The following PSD3 variants were observed in gnomAD, a reference collection of about 807,000 sequenced individuals.
PSD3 encodes PH and SEC7 domain-containing protein 3.
Under a neutral mutation model 105.5 loss-of-function variants are expected in PSD3, and 49 were observed. That is an observed-to-expected ratio of 0.46 (90% CI 0.37 to 0.59). The LOEUF (loss-of-function observed/expected upper bound fraction) is 0.59. Among genes scored for constraint, PSD3 ranks in the 20% least tolerant of loss-of-function variants. PSD3 has a pLI of 0.00. For synonymous variants in PSD3, 557 were observed against 457.8 expected, an observed-to-expected ratio of 1.22 and a Z score of -2.77; for missense variants, 1,561 against 1,263.8, an observed-to-expected ratio of 1.24 and a Z score of -3.57.
chr8:18,792,759 A>C (rs554309565), intron 8 of PSD3, among the ~76,000 whole-genome samples: 1 of 152,336 alleles, frequency 6.6e-6, no homozygotes, highest in Admixed American at 6.5e-5. Context: ...ATTGTGGAAG[A>C]CACTGTGGAG....
rs145613821 is a variant in PSD3, at chr8:18,580,734, T to C, written c.2482-5449A>G. The stretch of plus-strand genomic sequence containing the variant: ...TTAGATAACGAACTGATTTTTCACT[T>C]CTAAAGACAGGGTAAAGGTAAATAA... On this transcript the variant is annotated intron_variant, in intron 12 of 15. Transcript: ENST00000327040. Among the ~76,000 whole-genome samples, 612 of 152,282 alleles carry C rather than the reference T, an allele frequency of 4.0e-3. 5 individuals carry two copies. The highest frequency in any genetic ancestry group is 0.014 in the African/African-American group (569 of 41,560).
intron 2 of PSD3, among the ~76,000 whole-genome samples, chr8:18,919,919 G>A (rs1018251713): frequency 2.0e-5 from 3 of 150,288 alleles, no homozygotes. Context: ...GTTAGTGGGT[G>A]CAGCGCACCA....
chr8:18,930,274 A>C (rs17384209), intron 2 of PSD3, among the ~76,000 whole-genome samples: 21,158 of 152,182 alleles, frequency 0.14, 1,559 homozygotes, highest in Non-Finnish European at 0.16. Flanking sequence ...TTTTCATTTA[A>C]GAGACTCCAG....
At chr8:18,917,283 T>C (rs769576934) in intron 2 of PSD3, among the ~76,000 whole-genome samples, 19 of 152,288 alleles carry the variant, frequency 1.2e-4, no homozygotes, top group South Asian at 2.1e-4. Context: ...TACCCCACTA[T>C]CCATTTCTCC....
intron 12 of PSD3, among the ~76,000 whole-genome samples, chr8:18,584,924 C>G (rs185414696): frequency 6.6e-6 from 1 of 151,970 alleles, no homozygotes; most frequent in East Asian, 1.9e-4. Flanking sequence ...GGAGAGGGAG[C>G]GGAGGCATGT....
intron 1 of PSD3, among the ~76,000 whole-genome samples, chr8:19,028,288 C>G (rs866791399): frequency 0.014 from 1,516 of 110,676 alleles, 81 homozygotes; most frequent in African/African-American, 0.049. Flanking sequence ...ACCCCCCCCC[C>G]CCGGCCCACC....
rs531450792 is a variant in PSD3, at chr8:18,911,168, G to A, written c.130+24866C>T. Among the ~76,000 whole-genome samples, 54 of 152,232 alleles carry A rather than the reference G, an allele frequency of 3.5e-4. 2 individuals are homozygous for A. The South Asian group carries it at 0.01, about 29-fold the overall frequency. On this transcript the variant is annotated intron_variant, in intron 2 of 15. Transcript: ENST00000327040. ...AGTGTTTTCGGTAGAGTGGGGGTGG[G>A]AGCACAGTTTCATAGCATTATCCCC...
In PSD3 at chr8:18,804,598, C is replaced by T. The variant is rs753810304; in HGVS notation, c.1834G>A (p.Glu612Lys). ...TCTTCTGCAACTAGTTTGCTAAATTCGTTGCTATAAGAAAACAGAATAGAC... is the reference window on the plus strand; with the variant it reads ...TCTTCTGCAACTAGTTTGCTAAATTTGTTGCTATAAGAAAACAGAATAGAC... ...DVAKHLGKNNEFSKLVAEEYL... is the reference protein window; with the variant it reads ...DVAKHLGKNNKFSKLVAEEYL... The change falls in exon 6 of 16, where the codon GAA becomes AAA. Residue 612 changes from glutamate (E) to lysine (K), a missense_variant. Transcript: ENST00000327040. 33 of 1,612,530 alleles carry T rather than the reference C, an allele frequency of 2.0e-5. No individual in the cohort carries two copies. Among genetic ancestry groups the T allele is most frequent in the African/African-American group, 5.3e-5 (4 of 74,886 alleles).
At chr8:18,914,202 A>C (rs1820430481) in intron 2 of PSD3, among the ~76,000 whole-genome samples, 1 of 151,666 alleles carries the variant, frequency 6.6e-6, no homozygotes, top group Non-Finnish European at 1.5e-5. Flanking sequence ...TGATAAAGAA[A>C]AAAAAAAAAA....
chr8:18,786,166 T>C, intron 8 of PSD3, among the ~76,000 whole-genome samples: 1 of 152,132 alleles, frequency 6.6e-6, no homozygotes, highest in South Asian at 2.1e-4. Context: ...ATTGCGCCAC[T>C]GCACTCCAGC....
chr8:18,923,984 A>G (rs894688475), intron 2 of PSD3, among the ~76,000 whole-genome samples: 1 of 150,078 alleles, frequency 6.7e-6, no homozygotes, highest in African/African-American at 2.5e-5. Flanking sequence ...CACTGAACAG[A>G]CAGTAGAAAT....
At chr8:18,633,260 A>C (rs1239871923) in intron 10 of PSD3, among the ~76,000 whole-genome samples, 1 of 152,084 alleles carries the variant, frequency 6.6e-6, no homozygotes, top group Non-Finnish European at 1.5e-5. Context: ...GAAAACAGCA[A>C]AAGTGTTAGA....
chr8:18,741,795 TAAAAAA>T (rs3042866), intron 9 of PSD3, among the ~76,000 whole-genome samples: 2 of 79,678 alleles, frequency 2.5e-5, no homozygotes, highest in Non-Finnish European at 2.3e-5. Flanking sequence ...AATTTTATTG[TAAAAAA>T]AAAAAAAAAA....
chr8:18,792,862 A>G (rs1206064113), intron 8 of PSD3, among the ~76,000 whole-genome samples: 1 of 152,226 alleles, frequency 6.6e-6, no homozygotes, highest in Non-Finnish European at 1.5e-5. Context: ...TGCTGCTATA[A>G]AGACACATGC....
intron 9 of PSD3, among the ~76,000 whole-genome samples, chr8:18,705,700 ATATC>A (rs1801855034): frequency 6.6e-6 from 1 of 152,174 alleles, no homozygotes; most frequent in African/African-American, 2.4e-5. Flanking sequence ...GTGTTCATCT[ATATC>A]TATATTAAAA....
At chr8:18,724,279 C>A (rs1416492441) in intron 9 of PSD3, among the ~76,000 whole-genome samples, 1 of 152,034 alleles carries the variant, frequency 6.6e-6, no homozygotes, top group African/African-American at 2.4e-5. Context: ...TTGGGCAAAA[C>A]AAATAGCAGT....
chr8:18,969,845 G>C (rs1014747462), intron 1 of PSD3, among the ~76,000 whole-genome samples: 1 of 151,882 alleles, frequency 6.6e-6, no homozygotes, highest in Non-Finnish European at 1.5e-5. Flanking sequence ...AGACACAACA[G>C]ATACATGTTC....
At chr8:18,721,198 G>C (rs1052191196) in intron 9 of PSD3, 2 of 151,612 alleles carry the variant, frequency 1.3e-5, no homozygotes, top group African/African-American at 4.9e-5. Flanking sequence ...AACAAGGTGT[G>C]TGCAATTTCT....
chr8:18,738,688 G>C (rs976098339), intron 9 of PSD3, among the ~76,000 whole-genome samples: 2 of 152,064 alleles, frequency 1.3e-5, no homozygotes, highest in African/African-American at 4.8e-5. Flanking sequence ...ACTCGTACTA[G>C]CCACCTGATA....
Sources: gnomAD v4.1 joint callset for allele counts (sites outside exome capture counted in the v4.1 genomes callset) on GRCh38, gnomAD v4.1.1 for gene constraint, MANE v1.5 for transcripts, NCBI Gene and HGNC (gene_info 2026-07-23, HGNC 2026-07-21) for gene names.